The following MRPS27 variants were observed in gnomAD, a reference collection of about 807,000 sequenced individuals.
MRPS27 encodes mitochondrial ribosomal protein S27, also known as small ribosomal subunit protein mS27.
Under a neutral mutation model 48.9 loss-of-function variants are expected in MRPS27, and 43 were observed. The observed-to-expected ratio is 0.88, with a 90% confidence interval of 0.69 to 1.13. The LOEUF is 1.13. Ranked by LOEUF, MRPS27 falls within the 50% of genes most tolerant of loss-of-function variation. The pLI, the probability that MRPS27 is intolerant of heterozygous loss-of-function variation, is 0.00. For missense variants in MRPS27, 467 were observed against 476.3 expected (o/e 0.98, Z 0.18); for synonymous variants, 188 against 171.9 (o/e 1.09, Z -0.73).
At chr5:72,273,892 A>G (rs552339977) in intron 4 of MRPS27, among the ~76,000 whole-genome samples, 1 of 152,346 alleles carries the variant, frequency 6.6e-6, no homozygotes, top group African/African-American at 2.4e-5. Flanking sequence ...TTTTACTTTA[A>G]AAACTTAATT....
At chr5:72,232,212 G>T (rs1266855721) in intron 7 of MRPS27, among the ~76,000 whole-genome samples, 1 of 152,154 alleles carries the variant, frequency 6.6e-6, no homozygotes, top group African/African-American at 2.4e-5. Flanking sequence ...GGTGCACTCA[G>T]CCTAGCTCAA....
intron 4 of MRPS27, among the ~76,000 whole-genome samples, chr5:72,276,891 C>T (rs192790518): frequency 3.9e-4 from 60 of 152,088 alleles, no homozygotes; most frequent in East Asian, 2.7e-3. Context: ...ATTAGCCAGG[C>T]GTGGTGACGG....
intron 4 of MRPS27, among the ~76,000 whole-genome samples, chr5:72,293,570 T>A (rs184681352): frequency 1.3e-3 from 193 of 152,298 alleles, no homozygotes; most frequent in African/African-American, 4.5e-3. Context: ...ATAGAAGGTC[T>A]TAAAAACAGA....
intron 6 of MRPS27, among the ~76,000 whole-genome samples, chr5:72,233,662 T>C (rs1023935524): frequency 2.6e-5 from 4 of 151,846 alleles, no homozygotes. Context: ...AATAAGTCAG[T>C]AGAAAAATAA....
intron 2 of MRPS27, among the ~76,000 whole-genome samples, chr5:72,309,906 G>T (rs1229646359): frequency 6.6e-6 from 1 of 152,174 alleles, no homozygotes; most frequent in African/African-American, 2.4e-5. Flanking sequence ...GGTCTTGATT[G>T]TCACAATGAC....
chr5:72,317,830 T>G (rs931111674), intron 1 of MRPS27, among the ~76,000 whole-genome samples: 13 of 152,182 alleles, frequency 8.5e-5, no homozygotes, highest in African/African-American at 2.9e-4. Flanking sequence ...GAATACCCCC[T>G]CAAATACCAA....
intron 4 of MRPS27, among the ~76,000 whole-genome samples, chr5:72,256,587 C>A (rs1748813452): frequency 6.6e-6 from 1 of 152,152 alleles, no homozygotes; most frequent in African/African-American, 2.4e-5. Flanking sequence ...TTCCTTTTCA[C>A]CCAGCTATCC....
intron 2 of MRPS27, among the ~76,000 whole-genome samples, chr5:72,298,395 C>A (rs959293958): frequency 5.3e-5 from 8 of 152,126 alleles, no homozygotes; most frequent in Admixed American, 4.6e-4. Flanking sequence ...GCTGGCAAGG[C>A]TGCAGAGATA....
At chr5:72,222,526 C>G (rs1747775871) in intron 10 of MRPS27, 2 of 152,182 alleles carry the variant, frequency 1.3e-5, no homozygotes, top group Admixed American at 1.3e-4. Context: ...GGTTTCTATT[C>G]TCTGAGGCAA....
At chr5:72,286,789 G>A (rs1002736535) in intron 4 of MRPS27, among the ~76,000 whole-genome samples, 2 of 152,160 alleles carry the variant, frequency 1.3e-5, no homozygotes, top group African/African-American at 4.8e-5. Flanking sequence ...TGCTGCTACT[G>A]CTGGGAAATA....
At position 72,220,857 on chromosome 5, in the gene MRPS27, C is replaced by A; in HGVS notation, c.*52G>T. On this transcript the variant is annotated 3_prime_UTR_variant, in exon 11 of 11. Coordinates refer to ENST00000261413, the MANE Select transcript of MRPS27 (RefSeq NM_015084.3). ...TGTCCAGGCCACTGCTGAGTCCTGG[C>A]ACGGGGTTGAGTGAAGTTCTTGTGA... 1 of 1,605,708 alleles carries A rather than the reference C, an allele frequency of 6.2e-7. No individual in the cohort carries two copies. The highest frequency in any genetic ancestry group is 1.7e-5 in the Admixed American group (1 of 59,324).
intron 2 of MRPS27, among the ~76,000 whole-genome samples, chr5:72,301,738 A>G (rs1341437374): frequency 6.6e-6 from 1 of 152,250 alleles, no homozygotes; most frequent in Non-Finnish European, 1.5e-5. Flanking sequence ...TAACATTTGC[A>G]TTTTCCAAGT....
intron 4 of MRPS27, among the ~76,000 whole-genome samples, chr5:72,255,557 T>C (rs1205853402): frequency 6.6e-6 from 1 of 152,190 alleles, no homozygotes; most frequent in African/African-American, 2.4e-5. Context: ...AACATATAGA[T>C]GACATATTCA....
intron 4 of MRPS27, among the ~76,000 whole-genome samples, chr5:72,282,012 G>A (rs1028127599): frequency 6.6e-6 from 1 of 152,054 alleles, no homozygotes; most frequent in African/African-American, 2.4e-5. Flanking sequence ...GTATAAAATG[G>A]TGATACTATT....
intron 4 of MRPS27, among the ~76,000 whole-genome samples, chr5:72,250,187 C>A (rs1351859040): frequency 6.6e-6 from 1 of 152,044 alleles, no homozygotes. Flanking sequence ...TCTCTTCTTC[C>A]CAATAGTCTG....
At chr5:72,236,284 T>C (rs780934724) in intron 5 of MRPS27, among the ~76,000 whole-genome samples, 17 of 152,122 alleles carry the variant, frequency 1.1e-4, no homozygotes, top group Non-Finnish European at 2.1e-4. Flanking sequence ...GTGACCCTAA[T>C]GGGCAGCCAG....
intron 4 of MRPS27, among the ~76,000 whole-genome samples, chr5:72,274,326 C>G (rs1227795724): frequency 2.6e-5 from 4 of 152,194 alleles, no homozygotes; most frequent in Admixed American, 1.3e-4. Context: ...TGCACTCCAG[C>G]CTGGGCGACA....
intron 2 of MRPS27, among the ~76,000 whole-genome samples, chr5:72,308,431 G>C (rs1483974811): frequency 6.6e-6 from 1 of 152,236 alleles, no homozygotes; most frequent in East Asian, 1.9e-4. Context: ...CAATCAGCGA[G>C]CCCGCTTTGA....
At chr5:72,236,943 C>T (rs1748212576) in intron 5 of MRPS27, among the ~76,000 whole-genome samples, 1 of 146,352 alleles carries the variant, frequency 6.8e-6, no homozygotes, top group Admixed American at 6.9e-5. Flanking sequence ...TTTTTGAGAC[C>T]AGGTCTCATT....
Sources: gnomAD v4.1 joint callset for allele counts (sites outside exome capture counted in the v4.1 genomes callset) on GRCh38, gnomAD v4.1.1 for gene constraint, MANE v1.5 for transcripts, NCBI Gene and HGNC (gene_info 2026-07-23, HGNC 2026-07-21) for gene names.